The following HERC2 variants were observed in gnomAD, a reference collection of about 807,000 sequenced individuals.
The protein encoded by HERC2 is E3 ubiquitin-protein ligase HERC2.
HERC2 carries 102 observed loss-of-function variants against 537.7 expected under a neutral mutation model. The observed-to-expected ratio is 0.19, with a 90% CI of 0.16 to 0.22. The LOEUF (loss-of-function observed/expected upper bound fraction) is 0.22, where lower values mean the gene tolerates loss of function less well. HERC2 is among the 10% of genes least tolerant of loss of function. HERC2 has a pLI of 1.00. For missense variants in HERC2, 4,236 were observed against 6,198.2 expected (o/e 0.68, Z 10.63); for synonymous variants, 2,224 against 2,466.2 (o/e 0.90, Z 2.91).
intron 5 of HERC2, 32 bp downstream of exon 5, chr15:28,280,036 G>T: frequency 8.7e-6 from 13 of 1,499,546 alleles, no homozygotes; most frequent in Non-Finnish European, 1.2e-5. Flanking sequence ...TATTTAACTG[G>T]CATCAGGATT....
At chr15:28,304,461 G>A (rs569571491) in intron 2 of HERC2, among the ~76,000 whole-genome samples, 4 of 151,656 alleles carry the variant, frequency 2.6e-5, no homozygotes, top group African/African-American at 7.2e-5. Flanking sequence ...TCCACCTCCG[G>A]GGTTCAAGTG....
intron 78 of HERC2, among the ~76,000 whole-genome samples, chr15:28,137,907 T>C (rs1596025100): frequency 1.3e-5 from 2 of 152,368 alleles, no homozygotes; most frequent in Non-Finnish European, 2.9e-5. Context: ...GAAAAAGTTC[T>C]TGAAGCACAA....
intron 38 of HERC2, among the ~76,000 whole-genome samples, chr15:28,216,888 AAC>A (rs1424306394): frequency 6.6e-6 from 1 of 151,310 alleles, no homozygotes; most frequent in Non-Finnish European, 1.5e-5. Flanking sequence ...CACACTCCTC[AAC>A]ACTAGTAACG....
Position 28,111,709 on chromosome 15 carries a change from C to G in HERC2, c.*54G>C, listed in dbSNP as rs369515209. On this transcript the variant is annotated 3_prime_UTR_variant, in exon 93 of 93. Coordinates refer to ENST00000261609, the MANE Select transcript of HERC2 (RefSeq NM_004667.6). ...AGGCAGCCTACAGTCTACACAGCAG[C>G]GAGCGCTCTGCTGCCTGGCTCAGGC... is the stretch of plus-strand genomic sequence containing the variant. 1 of 1,575,500 alleles carries G rather than the reference C, an allele frequency of 6.3e-7. No homozygotes were observed.
At position 28,198,738 on chromosome 15, in the gene HERC2, T is replaced by C. The variant is rs1596199247; in HGVS notation, c.7748A>G (p.Tyr2583Cys). ...VGMMVRCCRA[Y>C]EEVCEGDVGK... is the part of the protein sequence containing the mutation. ...AACATCACCTTCGCACACTTCTTCA[T>C]ACGCTCGGCAGCATCTAACCATCAT... Residue 2583 changes from tyrosine (Y) to cysteine (C), a missense_variant, in exon 49 of 93, where the codon TAT becomes TGT. Transcript: ENST00000261609. 2 of 1,613,956 alleles carry C rather than the reference T, an allele frequency of 1.2e-6. No individual in the cohort carries two copies. The highest frequency in any genetic ancestry group is 1.7e-6 in the Non-Finnish European group (2 of 1,179,930).
Position 28,167,686 on chromosome 15 carries a change from C to A in HERC2, c.10554+1G>T. Reference sequence around the variant, plus strand: ...AAAGTTAAAGAAGAACGCCTCTTCACCTCTTTGGTTTTGGTCATGGTTTCT... The same window carrying A: ...AAAGTTAAAGAAGAACGCCTCTTCAACTCTTTGGTTTTGGTCATGGTTTCT... On this transcript the variant is annotated splice_donor_variant, in intron 68 of 92. Coordinates refer to ENST00000261609, the MANE Select transcript of HERC2 (RefSeq NM_004667.6). LOFTEE classifies it high-confidence loss of function. 6.2e-7 allele frequency: 1 copy of A among 1,614,058 alleles called. No individual in the cohort carries two copies. The highest frequency in any genetic ancestry group is 8.5e-7 in the Non-Finnish European group (1 of 1,180,012).
chr15:28,128,629 T>C (rs764859404), intron 83 of HERC2, among the ~76,000 whole-genome samples: 2 of 152,230 alleles, frequency 1.3e-5, no homozygotes, highest in Non-Finnish European at 2.9e-5. Context: ...GCACAGTTTG[T>C]GCGAAGGCCA....
chr15:28,228,643 C>T (rs1039819380), intron 34 of HERC2, among the ~76,000 whole-genome samples: 3 of 152,216 alleles, frequency 2.0e-5, no homozygotes, highest in African/African-American at 7.2e-5. Flanking sequence ...CAAGAATAAA[C>T]GTAATGCAGA....
intron 16 of HERC2, among the ~76,000 whole-genome samples, chr15:28,259,429 T>C (rs751402714): frequency 6.6e-5 from 10 of 152,226 alleles, no homozygotes; most frequent in African/African-American, 1.9e-4. Context: ...CAGACTCAGA[T>C]GGGATTCAAA....
In HERC2 at chr15:28,309,732, G is replaced by A. The variant is rs536136394; in HGVS notation, c.73-10216C>T. Among the ~76,000 whole-genome samples, 5 of 152,064 alleles carry A rather than the reference G, an allele frequency of 3.3e-5. No individual in the cohort carries two copies. In the South Asian group the frequency reaches 1.0e-3, roughly 32 times the overall value. On this transcript the variant is annotated intron_variant, in intron 2 of 92. Coordinates refer to ENST00000261609, the MANE Select transcript of HERC2 (RefSeq NM_004667.6). ...CCTGTGACACCTGAAGTAGAGGATA[G>A]AACTAAGCTATGGCCAGACTCCTGA...
At chr15:28,135,833 A>T in intron 78 of HERC2, 141 bp from the exon 79 acceptor site, 1 of 642,382 alleles carries the variant, frequency 1.6e-6, no homozygotes, top group Non-Finnish European at 2.7e-6. Flanking sequence ...CAGGAATATA[A>T]GTTTATGCCT....
At chr15:28,163,366 A>T in intron 68 of HERC2, 81 bp from the exon 69 acceptor site, 1 of 1,291,046 alleles carries the variant, frequency 7.7e-7, no homozygotes, top group Non-Finnish European at 1.1e-6. Context: ...CCATAAACTC[A>T]GAGAACACAT....
At chr15:28,313,563 T>C (rs1260938983) in intron 2 of HERC2, among the ~76,000 whole-genome samples, 1 of 152,216 alleles carries the variant, frequency 6.6e-6, no homozygotes, top group African/African-American at 2.4e-5. Context: ...GATTAATGTA[T>C]AGGTTAGAAA....
At chr15:28,156,422 T>C (rs915283451) in intron 69 of HERC2, among the ~76,000 whole-genome samples, 1 of 152,234 alleles carries the variant, frequency 6.6e-6, no homozygotes, top group African/African-American at 2.4e-5. Context: ...GTATCCTCTT[T>C]TATTTTATTG....
At chr15:28,259,477 C>A (rs756972399) in intron 16 of HERC2, among the ~76,000 whole-genome samples, 68 of 152,238 alleles carry the variant, frequency 4.5e-4, no homozygotes, top group Non-Finnish European at 8.4e-4. Context: ...TCTACACAAT[C>A]CCTTATAGAA....
At chr15:28,112,302 G>A (rs576649087) in intron 92 of HERC2, among the ~76,000 whole-genome samples, 2 of 152,240 alleles carry the variant, frequency 1.3e-5, no homozygotes, top group African/African-American at 2.4e-5. Flanking sequence ...GTGTGGATGC[G>A]GGGCGGCCTG....
intron 68 of HERC2, among the ~76,000 whole-genome samples, chr15:28,166,307 T>A (rs1894131761): frequency 6.6e-6 from 1 of 152,114 alleles, no homozygotes; most frequent in African/African-American, 2.4e-5. Context: ...TATAAAAGCA[T>A]TATACACCAA....
chr15:28,269,576 A>C (rs1596357282), intron 10 of HERC2, 140 bp from the exon 11 acceptor site: 26 of 657,796 alleles, frequency 4.0e-5, no homozygotes, highest in Non-Finnish European at 2.6e-6. Flanking sequence ...AATAGCTCAT[A>C]CCAGCCTGTA....
intron 2 of HERC2, among the ~76,000 whole-genome samples, chr15:28,304,433 T>C (rs566497017): frequency 6.6e-6 from 1 of 150,758 alleles, no homozygotes; most frequent in African/African-American, 2.4e-5. Context: ...AGCGGCACAA[T>C]CTCAGCTCAC....
Sources: gnomAD v4.1 joint callset for allele counts (sites outside exome capture counted in the v4.1 genomes callset) on GRCh38, gnomAD v4.1.1 for gene constraint, MANE v1.5 for transcripts, NCBI Gene and HGNC (gene_info 2026-07-23, HGNC 2026-07-21) for gene names.